TMEM67: variants seen among roughly 807,000 people sequenced by gnomAD.
The protein encoded by TMEM67 is meckelin.
A neutral mutation model predicts 136.6 loss-of-function variants in TMEM67; 124 were observed. The ratio of observed to expected loss-of-function variants is 0.91; its 90% CI spans 0.78 to 1.05. The LOEUF is 1.05. Ranked by LOEUF, TMEM67 falls within the 50% of genes least tolerant of loss-of-function variation. The pLI is 0.00. For synonymous variants in TMEM67, 364 were observed against 390.5 expected, an observed-to-expected ratio of 0.93 and a Z score of 0.80; for missense variants, 1,107 against 1,178.4, an observed-to-expected ratio of 0.94 and a Z score of 0.89.
At chr8:93,826,869 G>T in the TMEM67 span, among the ~76,000 whole-genome samples, 1 of 151,788 alleles carries the variant, frequency 6.6e-6, no homozygotes, top group Non-Finnish European at 1.5e-5. Flanking sequence ...CGCTTTTGTC[G>T]CCCAAGCTGG....
At chr8:93,775,772 A>C (rs761479871) in intron 7 of TMEM67, among the ~76,000 whole-genome samples, 37 of 152,098 alleles carry the variant, frequency 2.4e-4, no homozygotes, top group Non-Finnish European at 3.7e-4. Flanking sequence ...AATACAGTTT[A>C]AAGTCAGGTA....
At chr8:93,762,328 A>T (rs1334992002) in intron 3 of TMEM67, among the ~76,000 whole-genome samples, 1 of 151,766 alleles carries the variant, frequency 6.6e-6, no homozygotes, top group African/African-American at 2.4e-5. Flanking sequence ...TTAATTTTTT[A>T]ATTATCTTTA....
Position 93,804,807 on chromosome 8 carries a change from C to T in TMEM67, c.2368C>T (p.His790Tyr). ...LSHKCFGYYI[H>Y]GRSVHGHADT... ...CCACAAATGTTTTGGATATTACATT[C>T]ATGGTAGATCAGTACATGGGCATGC... Residue 790 changes from histidine to tyrosine, a missense_variant, in exon 23 of 28, where the codon CAT becomes TAT. Coordinates refer to ENST00000453321, the MANE Select transcript of TMEM67 (RefSeq NM_153704.6). 1 of 1,607,630 alleles carries T rather than the reference C, an allele frequency of 6.2e-7. No individual in the cohort carries two copies. The highest frequency in any genetic ancestry group is 8.5e-7 in the Non-Finnish European group (1 of 1,174,650).
intron 21 of TMEM67, among the ~76,000 whole-genome samples, chr8:93,800,798 G>A (rs1194462587): frequency 6.6e-6 from 1 of 152,244 alleles, no homozygotes; most frequent in African/African-American, 2.4e-5. Flanking sequence ...TAGTTTATAT[G>A]TAAATACAGG....
At chr8:93,803,562 A>T in intron 21 of TMEM67, 42 bp from the exon 22 acceptor site, 2 of 1,320,970 alleles carry the variant, frequency 1.5e-6, no homozygotes, top group South Asian at 1.2e-5. Flanking sequence ...GAAAATTAAA[A>T]TCCTAAAAGC....
chr8:93,822,991 G>T (rs1037979548), downstream of TMEM67, among the ~76,000 whole-genome samples: 1 of 152,166 alleles, frequency 6.6e-6, no homozygotes, highest in African/African-American at 2.4e-5. Context: ...TAAGGATATG[G>T]AGGTAGATAA....
chr8:93,774,809 G>T (rs1028065000), intron 7 of TMEM67, among the ~76,000 whole-genome samples: 4 of 152,052 alleles, frequency 2.6e-5, no homozygotes, highest in African/African-American at 9.7e-5. Flanking sequence ...GAATAGTGCC[G>T]CAATAAACAT....
At chr8:93,768,113 G>A (rs1487427191) in intron 6 of TMEM67, among the ~76,000 whole-genome samples, 8 of 151,658 alleles carry the variant, frequency 5.3e-5, no homozygotes, top group Non-Finnish European at 1.0e-4. Flanking sequence ...TGATCTACCC[G>A]CCTAAGCCTC....
At chr8:93,809,031 G>A (rs777984014) in intron 24 of TMEM67, 26 bp from the exon 25 acceptor site, 2 of 1,546,312 alleles carry the variant, frequency 1.3e-6, no homozygotes, top group Non-Finnish European at 1.8e-6. Context: ...ATAACACTTT[G>A]TATTCATTTC....
At chr8:93,792,312 C>T (rs1814415128) in intron 15 of TMEM67, among the ~76,000 whole-genome samples, 1 of 152,108 alleles carries the variant, frequency 6.6e-6, no homozygotes, top group Non-Finnish European at 1.5e-5. Flanking sequence ...GCTGGGATTA[C>T]GGGCACACAC....
intron 7 of TMEM67, among the ~76,000 whole-genome samples, chr8:93,776,580 G>A (rs577649581): frequency 4.6e-5 from 7 of 152,158 alleles, no homozygotes; most frequent in South Asian, 2.1e-4. Flanking sequence ...GAATTTTATC[G>A]AAGGTCTGTT....
chr8:93,795,167 G>A, intron 16 of TMEM67: 2 of 566,930 alleles, frequency 3.5e-6, no homozygotes, highest in South Asian at 4.3e-5. Flanking sequence ...AATTTTCTTA[G>A]ATAGTGAAAG....
At chr8:93,798,875 C>A (rs1425950340) in intron 20 of TMEM67, among the ~76,000 whole-genome samples, 1 of 151,316 alleles carries the variant, frequency 6.6e-6, no homozygotes, top group Non-Finnish European at 1.5e-5. Context: ...TATATGTATT[C>A]ATTGTGGAAT....
chr8:93,818,826 G>A (rs373765733), downstream of TMEM67, among the ~76,000 whole-genome samples: 3 of 152,080 alleles, frequency 2.0e-5, no homozygotes, highest in Admixed American at 6.5e-5. Flanking sequence ...GAGAGAGATG[G>A]GGTCTCACTC....
chr8:93,825,389 G>T, the TMEM67 span, among the ~76,000 whole-genome samples: 1 of 152,198 alleles, frequency 6.6e-6, no homozygotes, highest in African/African-American at 2.4e-5. Context: ...CACATTAATT[G>T]AGTGTCCAAA....
intron 22 of TMEM67, among the ~76,000 whole-genome samples, chr8:93,804,169 G>A (rs62525169): frequency 0.23 from 34,277 of 151,678 alleles, 5,054 homozygotes; most frequent in East Asian, 0.5. Flanking sequence ...ACTGTGCCCA[G>A]CCTGTTTTTT....
intron 21 of TMEM67, among the ~76,000 whole-genome samples, chr8:93,801,598 TACC>T (rs1324855207): frequency 6.6e-6 from 1 of 151,922 alleles, no homozygotes; most frequent in Non-Finnish European, 1.5e-5. Context: ...GACGGGGTTT[TACC>T]ATGTTGGCCA....
the TMEM67 span, among the ~76,000 whole-genome samples, chr8:93,828,610 C>T: frequency 6.6e-6 from 1 of 152,084 alleles, no homozygotes; most frequent in Non-Finnish European, 1.5e-5. Flanking sequence ...CATGGTGGCA[C>T]ATGCCTGTAA....
intron 20 of TMEM67, among the ~76,000 whole-genome samples, chr8:93,798,349 C>T (rs1264099241): frequency 2.0e-5 from 3 of 152,166 alleles, no homozygotes; most frequent in Non-Finnish European, 1.5e-5. Context: ...TCCCTACCCC[C>T]GATCCATATT....
Sources: allele counts gnomAD v4.1 joint callset (sites outside exome capture counted in the v4.1 genomes callset), GRCh38; gene constraint gnomAD v4.1.1; transcripts MANE v1.5; gene names NCBI Gene and HGNC (gene_info 2026-07-23, HGNC 2026-07-21).